The following GALNT2 variants were observed in gnomAD, a reference collection of about 807,000 sequenced individuals.
The protein encoded by GALNT2 is polypeptide N-acetylgalactosaminyltransferase 2.
A neutral mutation model predicts 81.4 loss-of-function variants in GALNT2; 31 were observed. That is an observed-to-expected ratio of 0.38 (90% CI 0.29 to 0.51). The LOEUF is 0.51. Among genes scored for constraint, GALNT2 ranks in the 20% least tolerant of loss-of-function variants. GALNT2 has a pLI of 0.87. For missense variants in GALNT2, 629 were observed against 765.7 expected (o/e 0.82, Z 2.11); for synonymous variants, 303 against 287.4 (o/e 1.05, Z -0.55).
chr1:230,168,614 G>A (rs922923449), intron 1 of GALNT2, among the ~76,000 whole-genome samples: 3 of 152,214 alleles, frequency 2.0e-5, no homozygotes, highest in African/African-American at 7.2e-5. Context: ...ACGGATGTTG[G>A]CCCAGGAGTT....
intron 1 of GALNT2, among the ~76,000 whole-genome samples, chr1:230,089,776 C>T (rs1660008229): frequency 6.6e-6 from 1 of 152,190 alleles, no homozygotes; most frequent in Admixed American, 6.5e-5. Flanking sequence ...ATAGTTCATT[C>T]TATGGACATA....
chr1:230,269,681 G>A (rs534353809), intron 14 of GALNT2, among the ~76,000 whole-genome samples: 1 of 152,044 alleles, frequency 6.6e-6, no homozygotes, highest in South Asian at 2.1e-4. Context: ...GATTGCTTGA[G>A]GCCAGGAGTT....
chr1:230,072,917 C>G (rs1402893190), intron 1 of GALNT2, among the ~76,000 whole-genome samples: 1 of 152,188 alleles, frequency 6.6e-6, no homozygotes, highest in Non-Finnish European at 1.5e-5. Flanking sequence ...AGAAGGAGGC[C>G]TAGCCCCACT....
At chr1:230,140,723 C>T (rs955784357) in intron 1 of GALNT2, among the ~76,000 whole-genome samples, 3 of 152,184 alleles carry the variant, frequency 2.0e-5, no homozygotes, top group African/African-American at 4.8e-5. Context: ...AACCTTTCTC[C>T]TCACCCCTCC....
intron 3 of GALNT2, among the ~76,000 whole-genome samples, chr1:230,213,111 T>A (rs1412193589): frequency 6.6e-6 from 1 of 152,274 alleles, no homozygotes; most frequent in Non-Finnish European, 1.5e-5. Context: ...AGCACAATGA[T>A]GCTAAATGAG....
At chr1:230,251,753 G>C (rs1013494049) in intron 10 of GALNT2, among the ~76,000 whole-genome samples, 1 of 152,178 alleles carries the variant, frequency 6.6e-6, no homozygotes, top group Non-Finnish European at 1.5e-5. Context: ...GCAGCGTATC[G>C]TGTAGGTGGC....
chr1:230,239,061 A>G (rs530969269), intron 6 of GALNT2, among the ~76,000 whole-genome samples: 1 of 152,242 alleles, frequency 6.6e-6, no homozygotes, highest in South Asian at 2.1e-4. Context: ...GTCTGTTTCA[A>G]GAAATTTTGT....
intron 1 of GALNT2, among the ~76,000 whole-genome samples, chr1:230,060,294 T>C (rs1257133849): frequency 1.3e-5 from 2 of 152,224 alleles, no homozygotes; most frequent in Non-Finnish European, 2.9e-5. Flanking sequence ...TAATTATTCT[T>C]TGTTTCTGGG....
chr1:230,142,107 A>C (rs1661760348), intron 1 of GALNT2, among the ~76,000 whole-genome samples: 1 of 151,912 alleles, frequency 6.6e-6, no homozygotes, highest in African/African-American at 2.4e-5. Context: ...CCTTGCCACC[A>C]CACTGCTTAA....
intron 1 of GALNT2, among the ~76,000 whole-genome samples, chr1:230,122,048 A>G (rs1039720996): frequency 2.1e-5 from 3 of 145,476 alleles, no homozygotes; most frequent in Non-Finnish European, 4.5e-5. Context: ...CCTCCCGACT[A>G]GCTGGGACTG....
At chr1:230,270,416 G>A (rs1433814348) in intron 14 of GALNT2, among the ~76,000 whole-genome samples, 2 of 152,164 alleles carry the variant, frequency 1.3e-5, no homozygotes, top group Admixed American at 1.3e-4. Context: ...GCTATGATGG[G>A]GATGCTCTAC....
chr1:230,138,120 G>A (rs1401994749), intron 1 of GALNT2, among the ~76,000 whole-genome samples: 2 of 152,140 alleles, frequency 1.3e-5, no homozygotes, highest in Non-Finnish European at 2.9e-5. Context: ...TTGCCCAAGT[G>A]TTACTGGAAA....
chr1:230,270,335 G>C (rs1265061359), intron 14 of GALNT2, among the ~76,000 whole-genome samples: 1 of 152,210 alleles, frequency 6.6e-6, no homozygotes, highest in Non-Finnish European at 1.5e-5. Flanking sequence ...CCCTCAGCTT[G>C]GGAGCACCTT....
intron 1 of GALNT2, among the ~76,000 whole-genome samples, chr1:230,161,886 A>C (rs1662447313): frequency 2.0e-5 from 3 of 152,168 alleles, no homozygotes; most frequent in African/African-American, 7.2e-5. Flanking sequence ...ACTTGACCAC[A>C]GCATCTTTAC....
At chr1:230,177,312 C>G (rs1444156729) in intron 1 of GALNT2, among the ~76,000 whole-genome samples, 1 of 152,254 alleles carries the variant, frequency 6.6e-6, no homozygotes, top group Non-Finnish European at 1.5e-5. Context: ...GGTTCCCCGC[C>G]CCGCAGGGAG....
chr1:230,238,956 C>G (rs2102738082), intron 6 of GALNT2, among the ~76,000 whole-genome samples: 2 of 152,188 alleles, frequency 1.3e-5, no homozygotes, highest in African/African-American at 4.8e-5. Flanking sequence ...ATTAGCCAGT[C>G]TGGACCAAGA....
chr1:230,150,522 T>C (rs1187872349), intron 1 of GALNT2, among the ~76,000 whole-genome samples: 1 of 152,254 alleles, frequency 6.6e-6, no homozygotes, highest in Non-Finnish European at 1.5e-5. Context: ...GAGAAGTGAA[T>C]GTCTCTGTTA....
chr1:230,246,255 G>A (rs924870523), intron 8 of GALNT2, 105 bp downstream of exon 8: 18 of 888,100 alleles, frequency 2.0e-5, no homozygotes, highest in East Asian at 1.2e-4. Context: ...CAGTGTTCAC[G>A]CCGTAGTGTG....
chr1:230,213,936 G>T (rs1034076886), intron 3 of GALNT2, among the ~76,000 whole-genome samples: 2 of 152,028 alleles, frequency 1.3e-5, no homozygotes, highest in African/African-American at 2.4e-5. Context: ...ATTGTTTTAT[G>T]CAGTAAATAT....
Sources: gnomAD v4.1 joint callset for allele counts (sites outside exome capture counted in the v4.1 genomes callset) on GRCh38, gnomAD v4.1.1 for gene constraint, MANE v1.5 for transcripts, NCBI Gene and HGNC (gene_info 2026-07-23, HGNC 2026-07-21) for gene names.